TNPO2: variants seen among roughly 807,000 people sequenced by gnomAD.
TNPO2 encodes transportin-2.
Under a neutral mutation model 111.1 loss-of-function variants are expected in TNPO2, and 16 were observed. That is an observed-to-expected ratio of 0.14 (90% CI 0.10 to 0.22). TNPO2 has a LOEUF of 0.22. TNPO2 is among the 10% of genes least tolerant of loss of function. The pLI is 1.00. For synonymous variants in TNPO2, 481 were observed against 475.8 expected (o/e 1.01, Z -0.14); for missense variants, 530 against 1,173.7 (o/e 0.45, Z 8.01).
At chr19:12,712,890 C>T (rs907697590) in intron 10 of TNPO2, among the ~76,000 whole-genome samples, 3 of 152,172 alleles carry the variant, frequency 2.0e-5, no homozygotes, top group South Asian at 4.1e-4. Context: ...AGAGACCCAC[C>T]GACCCTGTGG....
At position 12,711,692 on chromosome 19, in the gene TNPO2, AAACAGGTGCC is replaced by A. The variant is rs747587972; in HGVS notation, c.891-89_891-80del. 1.1e-5 allele frequency: 14 copies of A among 1,271,686 alleles called. No homozygotes were observed. The South Asian group carries it at 1.5e-4, about 14-fold the overall frequency. 78.8% of individuals were successfully genotyped at this position (1,271,686 alleles called of 1,614,324 possible). A position where few individuals can be genotyped will look rare whatever the true frequency, so the allele number is the denominator to read the frequency against. On this transcript the variant is annotated intron_variant, in intron 10 of 25. Coordinates refer to ENST00000425528, the MANE Select transcript of TNPO2 (RefSeq NM_001382241.1). ...GGGAGGCACAGCTTGGGGAGGAGGC[AAACAGGTGCC>A]AACAGAGTGACCAGCCCCCCAATCA...
rs756753339 is a variant in TNPO2 at position 12,703,702 on chromosome 19, C to T, written c.2110+12G>A. ...CTGGGGTCATGGGTTAGGGACAAGG[C>T]GAGTGTCGTACCGATACAGGGCTTG... On this transcript the variant is annotated intron_variant, in intron 19 of 25. Coordinates refer to ENST00000425528, the MANE Select transcript of TNPO2 (RefSeq NM_001382241.1). The T allele has an allele frequency of 7.5e-6, 12 of 1,605,596 alleles. No individual in the cohort carries two copies. The highest frequency in any genetic ancestry group is 6.9e-5 in the Admixed American group (4 of 58,298).
chr19:12,707,249 G>A (rs1313332754), intron 13 of TNPO2, among the ~76,000 whole-genome samples: 1 of 152,102 alleles, frequency 6.6e-6, no homozygotes, highest in Non-Finnish European at 1.5e-5. Context: ...CACCCGCCCT[G>A]GCCTCCCAAA....
chr19:12,712,008 T>C (rs937540741), intron 10 of TNPO2, among the ~76,000 whole-genome samples: 14 of 152,208 alleles, frequency 9.2e-5, no homozygotes, highest in South Asian at 2.1e-4. Context: ...ATATAGATCT[T>C]AGATATGATT....
chr19:12,721,536 C>T lies in TNPO2; in HGVS notation c.-13-546G>A, dbSNP rs1409651651. The stretch of plus-strand genomic sequence containing the variant: ...ATTTCTGAGCTTCCCCAGATGCGCC[C>T]TCCCAAGACGATCGTCCTGATCTCT... On this transcript the variant is annotated intron_variant, in intron 2 of 25. Transcript: ENST00000425528. The surrounding 1 kb of genome is among the most constrained non-coding windows in gnomAD (Gnocchi z 4.9). 2 of 352,094 alleles carry T rather than the reference C, an allele frequency of 5.7e-6. No individual in the cohort carries two copies. The highest frequency in any genetic ancestry group is 1.1e-5 in the Non-Finnish European group (2 of 182,564). The allele number at this position is 352,094 out of a possible 1,614,324, so 21.8% of individuals were successfully genotyped here.
Position 12,719,217 on chromosome 19 carries a change from A to G in TNPO2, c.176-39T>C. 6.2e-7 allele frequency: 1 copy of G among 1,613,708 alleles called. No homozygotes were observed. The highest frequency in any genetic ancestry group is 8.5e-7 in the Non-Finnish European group (1 of 1,179,690). ...GGCTGAGGTTCAGGGGCCCAGGGGG[A>G]GAAAGCAGGGTCCCGATCGCATGGA... On this transcript the variant is annotated intron_variant, in intron 4 of 25. Transcript: ENST00000425528. This position sits in a 1 kb window ranked among gnomAD's most constrained non-coding sequence, Gnocchi z 5.0.
chr19:12,710,564 G>A (rs1246132657), intron 13 of TNPO2, 57 bp downstream of exon 13: 3 of 1,584,022 alleles, frequency 1.9e-6, no homozygotes, highest in Admixed American at 3.6e-5. Flanking sequence ...GGCTAGTAAT[G>A]TGGGCCAGCC....
chr19:12,721,447 C>A lies in TNPO2; in HGVS notation c.-13-457G>T, dbSNP rs1442413207. ...TATGCAGGCACAGTCCCTGAAGAGT[C>A]CCCTTCCCCCGACACTCTGCCCTTA... On this transcript the variant is annotated intron_variant, in intron 2 of 25. Coordinates refer to ENST00000425528, the MANE Select transcript of TNPO2 (RefSeq NM_001382241.1). The surrounding 1 kb of genome is among the most constrained non-coding windows in gnomAD (Gnocchi z 4.9). 3.9e-6 allele frequency: 2 copies of A among 509,008 alleles called. No homozygotes were observed. The highest frequency in any genetic ancestry group is 7.0e-6 in the Non-Finnish European group (2 of 286,700). 31.5% of individuals were successfully genotyped at this position (509,008 alleles called of 1,614,324 possible). A position where few individuals can be genotyped will look rare whatever the true frequency, so the allele number is the denominator to read the frequency against.
intron 19 of TNPO2, 80 bp downstream of exon 19, chr19:12,703,632 TCA>T: frequency 6.3e-7 from 1 of 1,575,972 alleles, no homozygotes; most frequent in Non-Finnish European, 8.7e-7. Flanking sequence ...CCCAATGTGG[TCA>T]CAGTCATCCC....
intron 2 of TNPO2, among the ~76,000 whole-genome samples, chr19:12,722,975 C>G (rs1967104080): frequency 1.3e-5 from 2 of 152,188 alleles, no homozygotes; most frequent in African/African-American, 4.8e-5. Flanking sequence ...TTCCCCCATC[C>G]AGAGGTACTT....
In TNPO2 at chr19:12,705,816, CTG is replaced by C. The variant is rs1197233836; in HGVS notation, c.1669-50_1669-49del. On this transcript the variant is annotated intron_variant, in intron 15 of 25. Coordinates refer to ENST00000425528, the MANE Select transcript of TNPO2 (RefSeq NM_001382241.1). The surrounding 1 kb of genome is among the most constrained non-coding windows in gnomAD (Gnocchi z 7.2). ...GCGCTCCCTGGGTCGGGGTGGCAGA[CTG>C]TGACTCAGGTACCTGTTGCCCGAGT... 5.2e-6 allele frequency: 7 copies of C among 1,342,606 alleles called. No homozygotes were observed. In the East Asian group the frequency reaches 1.5e-4, roughly 29 times the overall value. The allele number at this position is 1,342,606 out of a possible 1,614,324, so 83.2% of individuals were successfully genotyped here.
At chr19:12,718,521 G>A (rs1180488539) in intron 5 of TNPO2, among the ~76,000 whole-genome samples, 1 of 152,144 alleles carries the variant, frequency 6.6e-6, no homozygotes, top group Non-Finnish European at 1.5e-5. Flanking sequence ...GGCCAGGCTG[G>A]TATTGAACTC....
chr19:12,701,926 TCAG>T lies in TNPO2; in HGVS notation c.2412-78_2412-76del. 1 of 1,435,680 alleles carries T rather than the reference TCAG, an allele frequency of 7.0e-7. No homozygotes were observed. Among genetic ancestry groups the T allele is most frequent in the South Asian group, 1.1e-5 (1 of 87,278 alleles). The allele number at this position is 1,435,680 out of a possible 1,614,324, so 88.9% of individuals were successfully genotyped here. ...CTGTGGAGGGCTGGGTCACTGGGGA[TCAG>T]TGAGTGGGCCTGGGACATGCATCTG... On this transcript the variant is annotated intron_variant, in intron 22 of 25. Transcript: ENST00000425528. This position sits in a 1 kb window ranked among gnomAD's most constrained non-coding sequence, Gnocchi z 5.0.
chr19:12,711,190 G>C, intron 12 of TNPO2, 106 bp downstream of exon 12: 1 of 1,472,328 alleles, frequency 6.8e-7, no homozygotes, highest in Non-Finnish European at 9.2e-7. Flanking sequence ...CACTGCGCCC[G>C]GCCACGATCA....
At chr19:12,718,665 A>C (rs2026499868) in intron 5 of TNPO2, among the ~76,000 whole-genome samples, 1 of 152,152 alleles carries the variant, frequency 6.6e-6, no homozygotes, top group African/African-American at 2.4e-5. Flanking sequence ...TGAAAACCTA[A>C]TTCCGTTGCA....
intron 13 of TNPO2, among the ~76,000 whole-genome samples, chr19:12,708,905 A>G (rs940892711): frequency 6.6e-6 from 1 of 151,738 alleles, no homozygotes; most frequent in Non-Finnish European, 1.5e-5. Context: ...CTGGTGGTGA[A>G]TTCCTGCAAT....
At chr19:12,720,030 AT>A (rs1189268977) in intron 3 of TNPO2, among the ~76,000 whole-genome samples, 1 of 148,168 alleles carries the variant, frequency 6.7e-6, no homozygotes, top group Non-Finnish European at 1.5e-5. Flanking sequence ...TTATTTATTT[AT>A]TTTCAGACAG....
At chr19:12,703,368 C>A in intron 20 of TNPO2, 60 bp downstream of exon 20, 1 of 1,513,440 alleles carries the variant, frequency 6.6e-7, no homozygotes, top group South Asian at 1.1e-5. Context: ...GCTAGGCTCC[C>A]GCCCCCAGGT....
Position 12,702,932 on chromosome 19 carries a change from C to T in TNPO2, c.2210-14G>A. On this transcript the variant is annotated splice_polypyrimidine_tract_variant and intron_variant, in intron 20 of 25. Transcript: ENST00000425528. The surrounding 1 kb of genome is among the most constrained non-coding windows in gnomAD (Gnocchi z 5.5). ...GCATCTCTGCCCCTGGGGGAGCACC[C>T]AGTCAGAGCCCTGCACAGCCCCCGC... 1 of 1,612,840 alleles carries T rather than the reference C, an allele frequency of 6.2e-7. No homozygotes were observed.
Sources: allele counts gnomAD v4.1 joint callset (sites outside exome capture counted in the v4.1 genomes callset), GRCh38; gene constraint gnomAD v4.1.1; non-coding constraint Gnocchi (gnomAD v3.1); transcripts MANE v1.5; gene names NCBI Gene and HGNC (gene_info 2026-07-23, HGNC 2026-07-21).